Variants in KANK1 observed in about 807,000 individuals in gnomAD.
The protein encoded by KANK1 is KN motif and ankyrin repeat domain-containing protein 1.
Under a neutral mutation model 106.2 loss-of-function variants are expected in KANK1, and 109 were observed. The ratio of observed to expected loss-of-function variants is 1.03; its 90% CI spans 0.88 to 1.20. The LOEUF (loss-of-function observed/expected upper bound fraction) is 1.20. KANK1 is among the 50% of genes most tolerant of loss of function. KANK1 has a pLI of 0.00. For synonymous variants in KANK1, 873 were observed against 652.2 expected, an observed-to-expected ratio of 1.34 and a Z score of -5.16; for missense variants, 2,399 against 1,710.7, an observed-to-expected ratio of 1.40 and a Z score of -7.10.
intron 1 of KANK1, among the ~76,000 whole-genome samples, chr9:558,098 G>GA (rs1319315440): frequency 6.6e-5 from 10 of 152,226 alleles, no homozygotes; most frequent in Admixed American, 1.3e-4. Flanking sequence ...AGAGGAGGTG[G>GA]AAAAAACCAG....
chr9:674,896 G>A (rs1563967947), intron 1 of KANK1, among the ~76,000 whole-genome samples: 1 of 152,088 alleles, frequency 6.6e-6, no homozygotes, highest in African/African-American at 2.4e-5. Flanking sequence ...GTAGAGAAGA[G>A]GTTTTGCCAT....
rs11540723 is a variant in KANK1 at position 745,319 on chromosome 9, G to A, written c.*84G>A. The A allele has an allele frequency of 5.1e-4, 789 of 1,544,300 alleles. No homozygotes were observed. Among genetic ancestry groups the A allele is most frequent in the Non-Finnish European group, 6.7e-4 (747 of 1,119,206 alleles). ...GGGGTGACAGATACTGAATGTATACGTATTGTGCCTGAGCTCACCAGCAAA... is the reference window on the plus strand; with the variant it reads ...GGGGTGACAGATACTGAATGTATACATATTGTGCCTGAGCTCACCAGCAAA... On this transcript the variant is annotated 3_prime_UTR_variant, in exon 12 of 12. Coordinates refer to ENST00000382297, the MANE Select transcript of KANK1 (RefSeq NM_015158.5).
At chr9:687,698 C>G (rs143375191) in intron 2 of KANK1, among the ~76,000 whole-genome samples, 1 of 152,292 alleles carries the variant, frequency 6.6e-6, no homozygotes, top group African/African-American at 2.4e-5. Context: ...TCAAGTCTTG[C>G]TGCCTCTCTT....
At chr9:516,177 C>G (rs972469058) in intron 1 of KANK1, among the ~76,000 whole-genome samples, 10 of 151,498 alleles carry the variant, frequency 6.6e-5, no homozygotes, top group African/African-American at 2.4e-4. Flanking sequence ...AGACTATGTC[C>G]TGGGTCAGAT....
intron 1 of KANK1, among the ~76,000 whole-genome samples, chr9:629,995 C>G (rs993832096): frequency 1.3e-5 from 2 of 152,204 alleles, no homozygotes; most frequent in Non-Finnish European, 2.9e-5. Flanking sequence ...CGCCTGTAAT[C>G]CCAGCACTTT....
At chr9:611,406 G>T (rs1170223307) in intron 1 of KANK1, among the ~76,000 whole-genome samples, 2 of 152,092 alleles carry the variant, frequency 1.3e-5, no homozygotes, top group Non-Finnish European at 2.9e-5. Context: ...AAAAGTACAG[G>T]ACTCAAGTAA....
rs76125703 is a variant in KANK1 at position 531,056 on chromosome 9, A to G, written c.-84+26302A>G. 1.4e-3 allele frequency among the ~76,000 whole-genome samples: 210 copies of G among 152,330 alleles called. 9 individuals carry two copies. The East Asian group carries it at 0.034, about 25-fold the overall frequency. On this transcript the variant is annotated intron_variant, in intron 1 of 11. Transcript: ENST00000382297. ...GAATGTTTAGGGACCTAGGCTGGTA[A>G]AGGTCAGAGTTTTCTAACTCAAGGT...
At chr9:622,705 CA>C (rs1221906378) in intron 1 of KANK1, among the ~76,000 whole-genome samples, 4 of 151,990 alleles carry the variant, frequency 2.6e-5, no homozygotes. Flanking sequence ...AGTTTGAGAC[CA>C]GCCTGGCCAA....
At chr9:486,465 T>G (rs1049805060) in intron 3 of KANK1, among the ~76,000 whole-genome samples, 1 of 152,174 alleles carries the variant, frequency 6.6e-6, no homozygotes, top group Non-Finnish European at 1.5e-5. Context: ...AACTGCCTTA[T>G]GGGGTAGGTA....
At chr9:496,401 A>G (rs1587260641) in intron 3 of KANK1, among the ~76,000 whole-genome samples, 1 of 152,104 alleles carries the variant, frequency 6.6e-6, no homozygotes, top group South Asian at 2.1e-4. Context: ...TAAAAATACA[A>G]AAATTAGCTG....
At chr9:535,666 C>G (rs1018218337) in intron 1 of KANK1, among the ~76,000 whole-genome samples, 1 of 152,168 alleles carries the variant, frequency 6.6e-6, no homozygotes, top group African/African-American at 2.4e-5. Flanking sequence ...GGCCTTTGCC[C>G]GCCTTGGAGC....
At chr9:526,078 C>A (rs1448453317) in intron 1 of KANK1, among the ~76,000 whole-genome samples, 1 of 150,490 alleles carries the variant, frequency 6.6e-6, no homozygotes, top group Non-Finnish European at 1.5e-5. Flanking sequence ...TGGGGCCTTT[C>A]TTGGAGAACA....
intron 2 of KANK1, chr9:684,717 G>C: frequency 3.1e-6 from 1 of 317,694 alleles, no homozygotes; most frequent in Non-Finnish European, 4.5e-6. Context: ...GATAATTTCA[G>C]TTCATCTCCT....
At chr9:667,513 AG>A (rs1388760563) in intron 1 of KANK1, among the ~76,000 whole-genome samples, 1 of 151,870 alleles carries the variant, frequency 6.6e-6, no homozygotes, top group Non-Finnish European at 1.5e-5. Flanking sequence ...GTCCATTATT[AG>A]GTTGTCTTTT....
intron 1 of KANK1, among the ~76,000 whole-genome samples, chr9:646,602 C>A (rs987682401): frequency 8.0e-5 from 12 of 150,600 alleles, no homozygotes; most frequent in Middle Eastern, 3.4e-3. Context: ...TATTTTCAAT[C>A]ATATTATTGT....
chr9:636,211 G>A (rs1252319287), intron 1 of KANK1, among the ~76,000 whole-genome samples: 1 of 152,056 alleles, frequency 6.6e-6, no homozygotes, highest in Non-Finnish European at 1.5e-5. Flanking sequence ...TTCTAGTGGC[G>A]GCCAGGTTGA....
chr9:555,210 A>G, intron 1 of KANK1, among the ~76,000 whole-genome samples: 1 of 152,234 alleles, frequency 6.6e-6, no homozygotes, highest in Non-Finnish European at 1.5e-5. Flanking sequence ...TCCTAGTCTT[A>G]TACCACGTCA....
chr9:538,411 A>G (rs541885428), intron 1 of KANK1, among the ~76,000 whole-genome samples: 3 of 152,354 alleles, frequency 2.0e-5, no homozygotes, highest in South Asian at 4.1e-4. Flanking sequence ...TCCAGGAAGA[A>G]GAGGGAAAGA....
At chr9:638,226 G>A (rs1837591568) in intron 1 of KANK1, among the ~76,000 whole-genome samples, 1 of 152,158 alleles carries the variant, frequency 6.6e-6, no homozygotes, top group African/African-American at 2.4e-5. Flanking sequence ...AAAACTGAAT[G>A]GCATATAAAG....
Sources: allele counts gnomAD v4.1 joint callset (sites outside exome capture counted in the v4.1 genomes callset), GRCh38; gene constraint gnomAD v4.1.1; transcripts MANE v1.5; gene names NCBI Gene and HGNC (gene_info 2026-07-23, HGNC 2026-07-21).